Variants in ADISSP observed in about 807,000 individuals in gnomAD.
ADISSP encodes the protein adipose secreted signaling protein.
chr20:3,758,898 T>TG, the ADISSP span, among the ~76,000 whole-genome samples: 2 of 151,996 alleles, frequency 1.3e-5, no homozygotes, highest in Non-Finnish European at 2.9e-5. This position sits in a 1 kb window ranked among gnomAD's most constrained non-coding sequence, Gnocchi z 5.5. Flanking sequence ...AGAGTGAGCG[T>TG]GGGGGGACTC....
the ADISSP span, among the ~76,000 whole-genome samples, chr20:3,758,972 C>T: frequency 6.6e-6 from 1 of 152,198 alleles, no homozygotes; most frequent in South Asian, 2.1e-4. This position sits in a 1 kb window ranked among gnomAD's most constrained non-coding sequence, Gnocchi z 5.5. Flanking sequence ...CAGGAAGGGA[C>T]AGTCTTCCAG....
the ADISSP span, among the ~76,000 whole-genome samples, chr20:3,763,229 C>T: frequency 1.4e-4 from 18 of 131,150 alleles, no homozygotes; most frequent in Admixed American, 3.5e-4. Flanking sequence ...GCACTCCAGC[C>T]TGGGTGACAG....
chr20:3,760,518 G>T, the ADISSP span, among the ~76,000 whole-genome samples: 1 of 152,206 alleles, frequency 6.6e-6, no homozygotes, highest in Non-Finnish European at 1.5e-5. Context: ...TGGAAAGGAG[G>T]ACTTTATTGG....
At chr20:3,755,760 CCCCCAGCCCAGTGG>C in the ADISSP span, among the ~76,000 whole-genome samples, 88,793 of 151,354 alleles carry the variant, frequency 0.59, 26,360 homozygotes, top group Admixed American at 0.67. Flanking sequence ...AGCTGATCGA[CCCCCAGCCCAGTGG>C]CCCCAGCCCT....
the ADISSP span, among the ~76,000 whole-genome samples, chr20:3,757,775 T>C: frequency 3.9e-5 from 6 of 152,138 alleles, no homozygotes; most frequent in African/African-American, 1.2e-4. Context: ...ACTACAGGCG[T>C]GCGCCACCAC....
chr20:3,763,765 A>G, the ADISSP span, among the ~76,000 whole-genome samples: 2 of 152,216 alleles, frequency 1.3e-5, no homozygotes, highest in Non-Finnish European at 2.9e-5. Flanking sequence ...GGGTGGCCTC[A>G]TAGTTTAGGG....
At chr20:3,767,193 C>T in the ADISSP span, 1 of 152,270 alleles carries the variant, frequency 6.6e-6, no homozygotes, top group Non-Finnish European at 1.5e-5. Flanking sequence ...CCTGTGCACT[C>T]CCCACCTTCA....
chr20:3,754,383 C>A, the ADISSP span: 3 of 1,603,864 alleles, frequency 1.9e-6, no homozygotes, highest in African/African-American at 4.0e-5. Flanking sequence ...CAACCAGGAG[C>A]CTCACGCTCT....
the ADISSP span, among the ~76,000 whole-genome samples, chr20:3,759,769 G>A: frequency 2.0e-5 from 3 of 152,046 alleles, no homozygotes; most frequent in Admixed American, 2.0e-4. This position sits in a 1 kb window ranked among gnomAD's most constrained non-coding sequence, Gnocchi z 4.6. Context: ...ACCAGTCTCA[G>A]TGCTCACCAT....
the ADISSP span, among the ~76,000 whole-genome samples, chr20:3,763,293 C>T: frequency 4.1e-5 from 6 of 147,242 alleles, no homozygotes; most frequent in East Asian, 2.1e-4. Context: ...TGAGGTGGCT[C>T]ACGCCTGTAA....
At chr20:3,764,873 C>T in the ADISSP span, among the ~76,000 whole-genome samples, 1 of 152,240 alleles carries the variant, frequency 6.6e-6, no homozygotes, top group Admixed American at 6.5e-5. Flanking sequence ...CTCACCCCTG[C>T]CCTGGGGGGC....
At chr20:3,754,229 C>G in the ADISSP span, 1 of 1,485,262 alleles carries the variant, frequency 6.7e-7, no homozygotes, top group Non-Finnish European at 9.4e-7. Context: ...TAAGGGGACC[C>G]CTCCCCTTCC....
At chr20:3,763,983 G>A in the ADISSP span, among the ~76,000 whole-genome samples, 2 of 152,194 alleles carry the variant, frequency 1.3e-5, no homozygotes, top group South Asian at 2.1e-4. Flanking sequence ...CCTCTTGGAG[G>A]TGAGCTTCCA....
the ADISSP span, among the ~76,000 whole-genome samples, chr20:3,758,246 C>T: frequency 6.6e-6 from 1 of 152,218 alleles, no homozygotes; most frequent in Non-Finnish European, 1.5e-5. The surrounding 1 kb of genome is among the most constrained non-coding windows in gnomAD (Gnocchi z 5.5). Flanking sequence ...CTGGCCTAGA[C>T]CTGAACTCAG....
the ADISSP span, among the ~76,000 whole-genome samples, chr20:3,758,990 C>G: frequency 6.6e-6 from 1 of 152,216 alleles, no homozygotes; most frequent in Non-Finnish European, 1.5e-5. The surrounding 1 kb of genome is among the most constrained non-coding windows in gnomAD (Gnocchi z 5.5). Context: ...CAGACTCCCA[C>G]CAAGCCAGGG....
the ADISSP span, among the ~76,000 whole-genome samples, chr20:3,764,830 G>C: frequency 5.2e-4 from 79 of 152,342 alleles, no homozygotes; most frequent in African/African-American, 1.9e-3. Flanking sequence ...TGGGGGCTCT[G>C]AGGAAGCAGA....
chr20:3,760,035 C>A, the ADISSP span: 1 of 1,610,626 alleles, frequency 6.2e-7, no homozygotes, highest in Non-Finnish European at 8.5e-7. Flanking sequence ...TACCAGGGCC[C>A]ACCGGAAGAG....
the ADISSP span, among the ~76,000 whole-genome samples, chr20:3,756,045 C>T: frequency 6.6e-5 from 10 of 152,352 alleles, no homozygotes; most frequent in Non-Finnish European, 8.8e-5. Context: ...GGTCATTCAC[C>T]TGTCCCCATC....
chr20:3,763,787 G>A, the ADISSP span, among the ~76,000 whole-genome samples: 2 of 152,200 alleles, frequency 1.3e-5, no homozygotes, highest in African/African-American at 2.4e-5. Context: ...TGGGCCTGTG[G>A]AGGGCATGAT....
Sources: gnomAD v4.1 joint callset for allele counts (sites outside exome capture counted in the v4.1 genomes callset) on GRCh38, gnomAD v4.1.1 for gene constraint, Gnocchi (gnomAD v3.1) non-coding constraint, MANE v1.5 for transcripts, NCBI Gene and HGNC (gene_info 2026-07-23, HGNC 2026-07-21) for gene names.